The following OR7E24 variants were observed in gnomAD, a reference collection of about 807,000 sequenced individuals.
The protein encoded by OR7E24 is olfactory receptor family 7 subfamily E member 24, also known as olfactory receptor 7E24.
For synonymous variants in OR7E24, 130 were observed against 157.5 expected (o/e 0.83, Z 1.31); for missense variants, 385 against 410.3 (o/e 0.94, Z 0.53).
At chr19:9,236,158 C>G in the OR7E24 span, 2 of 756,252 alleles carry the variant, frequency 2.6e-6, no homozygotes, top group Non-Finnish European at 4.4e-6. Flanking sequence ...CTAGATCTTG[C>G]TCTCCCCTAA....
Position 9,252,237 on chromosome 19 carries a change from C to A in OR7E24, c.*174C>A. 1 of 577,146 alleles carries A rather than the reference C, an allele frequency of 1.7e-6. No individual in the cohort carries two copies. The highest frequency in any genetic ancestry group is 3.1e-6 in the Non-Finnish European group (1 of 327,554). 35.8% of individuals were successfully genotyped at this position (577,146 alleles called of 1,614,324 possible). On this transcript the variant is annotated 3_prime_UTR_variant, in exon 1 of 1. Transcript: ENST00000456448. ...TCTGGTATCCTTTGTTCATCATACA[C>A]ATCATGAATGATTCCAATATACCTA...
chr19:9,235,287 C>T, the OR7E24 span: 7 of 1,303,004 alleles, frequency 5.4e-6, no homozygotes, highest in East Asian at 4.6e-5. Context: ...TCATCCTGGC[C>T]GTCAGCTCTG....
At chr19:9,232,278 G>A in the OR7E24 span, among the ~76,000 whole-genome samples, 3 of 152,080 alleles carry the variant, frequency 2.0e-5, no homozygotes, top group African/African-American at 7.2e-5. Flanking sequence ...GGTGGCTCAC[G>A]CCTGTAATCC....
At chr19:9,218,835 T>A in the OR7E24 span, among the ~76,000 whole-genome samples, 7 of 152,240 alleles carry the variant, frequency 4.6e-5, no homozygotes, top group Non-Finnish European at 1.0e-4. Context: ...GGTTTTGCCA[T>A]GTTAGCCAGG....
At chr19:9,233,122 C>A in the OR7E24 span, among the ~76,000 whole-genome samples, 1 of 152,150 alleles carries the variant, frequency 6.6e-6, no homozygotes, top group Non-Finnish European at 1.5e-5. Context: ...CTTGCTTCCC[C>A]TTTTGAATCA....
chr19:9,227,483 C>A, the OR7E24 span, among the ~76,000 whole-genome samples: 8 of 152,252 alleles, frequency 5.3e-5, no homozygotes, highest in East Asian at 1.5e-3. Flanking sequence ...ACGCCTTGGG[C>A]TCCCAAAGTG....
At chr19:9,211,250 G>T in the OR7E24 span, 4 of 152,372 alleles carry the variant, frequency 2.6e-5, no homozygotes, top group Admixed American at 2.0e-4. Context: ...CCATGTGAGT[G>T]AGCTTCACAG....
the OR7E24 span, among the ~76,000 whole-genome samples, chr19:9,232,304 C>G: frequency 6.6e-6 from 1 of 152,000 alleles, no homozygotes; most frequent in South Asian, 2.1e-4. Flanking sequence ...CTTTGGGAGG[C>G]CGAGGTGGAC....
the OR7E24 span, chr19:9,235,365 C>A: frequency 6.8e-7 from 1 of 1,463,398 alleles, no homozygotes; most frequent in Non-Finnish European, 9.6e-7. Flanking sequence ...CCTGTTTCAT[C>A]TGCACCACAG....
At chr19:9,241,748 A>G in the OR7E24 span, among the ~76,000 whole-genome samples, 1 of 152,348 alleles carries the variant, frequency 6.6e-6, no homozygotes, top group South Asian at 2.1e-4. Context: ...TGGGCGACAG[A>G]GTGAGACTTT....
Position 9,251,143 on chromosome 19 carries a change from G to C in OR7E24, c.100G>C (p.Gly34Arg), listed in dbSNP as rs868687645. ...LTGVSEFLLL[G>R]LSEDPELQPV... ...AGGTGTCTCAGAATTCCTCCTCCTG[G>C]GACTCTCAGAGGATCCAGAACTGCA... is the stretch of plus-strand genomic sequence containing the variant. Residue 34 changes from glycine to arginine, a missense_variant, in exon 1 of 1, where the codon GGA (glycine) becomes CGA (arginine). Transcript: ENST00000456448. 2 of 1,613,434 alleles carry C rather than the reference G, an allele frequency of 1.2e-6. No individual in the cohort carries two copies. Among genetic ancestry groups the C allele is most frequent in the Middle Eastern group, 3.3e-4 (2 of 6,052 alleles).
At chr19:9,236,867 T>C in the OR7E24 span, among the ~76,000 whole-genome samples, 2 of 152,190 alleles carry the variant, frequency 1.3e-5, no homozygotes, top group Non-Finnish European at 2.9e-5. Context: ...CATAAAATAT[T>C]CAAAGCAAAG....
the OR7E24 span, chr19:9,214,597 T>C: frequency 6.2e-7 from 1 of 1,614,108 alleles, no homozygotes; most frequent in Non-Finnish European, 8.5e-7. Flanking sequence ...CTCACTAGCA[T>C]CTTGGGGACT....
chr19:9,251,807 C>A lies in OR7E24; in HGVS notation c.764C>A (p.Ala255Asp), dbSNP rs371305730. 6.6e-5 allele frequency: 106 copies of A among 1,613,222 alleles called. No homozygotes were observed. In the African/African-American group the frequency reaches 1.3e-3, roughly 20 times the overall value. ...RVPTSDGKYK[A>D]FSTCGSHLAV... ...CCAACATCAGATGGGAAGTATAAAG[C>A]CTTCTCCACCTGTGGCTCTCACCTG... Residue 255 changes from alanine to aspartate, a missense_variant, in exon 1 of 1, where the codon GCC (alanine) becomes GAC (aspartate). Coordinates refer to ENST00000456448, the MANE Select transcript of OR7E24 (RefSeq NM_001079935.2).
chr19:9,235,747 G>T, the OR7E24 span: 30 of 1,607,058 alleles, frequency 1.9e-5, no homozygotes, highest in Middle Eastern at 3.3e-4. Flanking sequence ...CTTGTATGTG[G>T]CCATGGCACT....
upstream of OR7E24, among the ~76,000 whole-genome samples, chr19:9,248,434 G>A (rs1280522656): frequency 3.3e-5 from 5 of 152,002 alleles, no homozygotes; most frequent in African/African-American, 9.7e-5. Context: ...ATTTGCACCA[G>A]GCAGTCTAAG....
chr19:9,226,515 C>T, the OR7E24 span, among the ~76,000 whole-genome samples: 2 of 152,168 alleles, frequency 1.3e-5, no homozygotes, highest in Non-Finnish European at 2.9e-5. Flanking sequence ...GGTAAAAACA[C>T]CTTCAAATAA....
At chr19:9,223,306 A>C in the OR7E24 span, among the ~76,000 whole-genome samples, 1 of 152,202 alleles carries the variant, frequency 6.6e-6, no homozygotes, top group Non-Finnish European at 1.5e-5. Context: ...TGCAAATGGG[A>C]GGATCAGCCC....
the OR7E24 span, among the ~76,000 whole-genome samples, chr19:9,222,979 T>C: frequency 6.6e-6 from 1 of 152,242 alleles, no homozygotes; most frequent in East Asian, 1.9e-4. Context: ...ATTCCTTCTA[T>C]ATCTAACTCA....
Sources: gnomAD v4.1 joint callset for allele counts (sites outside exome capture counted in the v4.1 genomes callset) on GRCh38, gnomAD v4.1.1 for gene constraint, MANE v1.5 for transcripts, NCBI Gene and HGNC (gene_info 2026-07-23, HGNC 2026-07-21) for gene names.